NAA15: variants seen among roughly 807,000 people sequenced by gnomAD.
NAA15 encodes N-alpha-acetyltransferase 15, NatA auxiliary subunit.
NAA15 carries 34 observed loss-of-function variants against 114.0 expected under a neutral mutation model. The ratio of observed to expected loss-of-function variants is 0.30; its 90% CI spans 0.23 to 0.40. The LOEUF (loss-of-function observed/expected upper bound fraction) is 0.40. Among genes scored for constraint, NAA15 ranks in the 10% least tolerant of loss-of-function variants. The pLI is 1.00. For synonymous variants in NAA15, 340 were observed against 338.0 expected (o/e 1.01, Z -0.06); for missense variants, 658 against 1,004.5 (o/e 0.66, Z 4.66).
intron 14 of NAA15, among the ~76,000 whole-genome samples, chr4:139,363,545 C>G (rs1370035621): frequency 6.6e-6 from 1 of 152,116 alleles, no homozygotes; most frequent in African/African-American, 2.4e-5. Context: ...TAGTATTGCT[C>G]CATGTCTGCA....
chr4:139,342,758 A>C, intron 4 of NAA15, 68 bp from the exon 5 acceptor site: 1 of 1,485,680 alleles, frequency 6.7e-7, no homozygotes, highest in Non-Finnish European at 9.2e-7. Context: ...TAATATGGAG[A>C]TCTTTTAAAG....
At position 139,375,441 on chromosome 4, in the gene NAA15, T is replaced by C. The variant is rs530616203; in HGVS notation, c.1948-924T>C. Among the ~76,000 whole-genome samples the C allele has an allele frequency of 3.9e-5, 6 of 152,138 alleles. No individual in the cohort carries two copies. In the East Asian group the frequency reaches 1.2e-3, roughly 29 times the overall value. On this transcript the variant is annotated intron_variant, in intron 15 of 19. Transcript: ENST00000296543. ...GTGAATCCCATAGAATTCACTTCAC[T>C]GCTTTTCTTTTCTTTTCTTTTCTTT...
intron 6 of NAA15, among the ~76,000 whole-genome samples, chr4:139,347,264 A>T (rs60805457): frequency 0.055 from 8,318 of 152,142 alleles, 256 homozygotes; most frequent in East Asian, 0.1. Flanking sequence ...TTACTGAGAC[A>T]AGCAAAATGT....
chr4:139,331,932 C>T (rs1004679490), intron 1 of NAA15, among the ~76,000 whole-genome samples: 1 of 151,990 alleles, frequency 6.6e-6, no homozygotes, highest in African/African-American at 2.4e-5. Context: ...TTTCTGTAGA[C>T]CTATTGCTCG....
At chr4:139,350,916 A>G (rs546546064) in intron 7 of NAA15, among the ~76,000 whole-genome samples, 1 of 152,328 alleles carries the variant, frequency 6.6e-6, no homozygotes, top group African/African-American at 2.4e-5. Flanking sequence ...ATATGGAAAC[A>G]TGATAACCAA....
intron 1 of NAA15, among the ~76,000 whole-genome samples, chr4:139,333,063 C>T (rs1466703533): frequency 6.6e-6 from 1 of 151,988 alleles, no homozygotes; most frequent in Non-Finnish European, 1.5e-5. Context: ...TTTATAATAC[C>T]TAATACAATG....
chr4:139,370,039 A>G (rs1428851361), intron 14 of NAA15, among the ~76,000 whole-genome samples, 172 bp from the exon 15 acceptor site: 3 of 152,118 alleles, frequency 2.0e-5, no homozygotes, highest in Non-Finnish European at 4.4e-5. Context: ...TCCTGACCTC[A>G]GGTCATCTGC....
chr4:139,311,230 A>G (rs1385409910), intron 1 of NAA15, among the ~76,000 whole-genome samples: 2 of 151,962 alleles, frequency 1.3e-5, no homozygotes, highest in Non-Finnish European at 2.9e-5. Flanking sequence ...CACGTTTTCC[A>G]CAATTAAAAT....
chr4:139,309,085 C>T (rs1045814652), intron 1 of NAA15, among the ~76,000 whole-genome samples: 19 of 151,794 alleles, frequency 1.3e-4, no homozygotes, highest in African/African-American at 3.9e-4. Flanking sequence ...CAGTGGCTCA[C>T]GCCTGTAATC....
chr4:139,324,590 A>G (rs897639351), intron 1 of NAA15, among the ~76,000 whole-genome samples: 2 of 152,210 alleles, frequency 1.3e-5, no homozygotes, highest in African/African-American at 2.4e-5. Context: ...CATATGTAGT[A>G]TTTTGCATTT....
chr4:139,330,979 A>C (rs1036630558), intron 1 of NAA15, among the ~76,000 whole-genome samples: 4 of 152,144 alleles, frequency 2.6e-5, no homozygotes, highest in African/African-American at 7.2e-5. Context: ...CACTTGCATT[A>C]ACTTCTTTCC....
rs1390915707 is a variant in NAA15 at position 139,371,505 on chromosome 4, A to G, written c.1947+1101A>G. On this transcript the variant is annotated intron_variant, in intron 15 of 19. Transcript: ENST00000296543. ...AAAAAAAAAGAAAAGTAGCACACAC[A>G]CACACACACACACACACACACACAC... Among the ~76,000 whole-genome samples, 862 of 126,042 alleles carry G rather than the reference A, an allele frequency of 6.8e-3. 11 individuals are homozygous for G. The highest frequency in any genetic ancestry group is 0.038 in the African/African-American group (814 of 21,622). The allele number at this position is 126,042 out of a possible 152,430, so 82.7% of individuals were successfully genotyped here.
chr4:139,324,912 G>A (rs901482215), intron 1 of NAA15, among the ~76,000 whole-genome samples: 2 of 152,184 alleles, frequency 1.3e-5, no homozygotes, highest in Non-Finnish European at 2.9e-5. Flanking sequence ...ATTTGGAGGG[G>A]CCTGCCATTC....
intron 1 of NAA15, among the ~76,000 whole-genome samples, chr4:139,325,515 CTT>C (rs1746767424): frequency 6.6e-6 from 1 of 152,150 alleles, no homozygotes; most frequent in South Asian, 2.1e-4. Context: ...CGAGGAGTCT[CTT>C]TGAAAAACAT....
At chr4:139,375,500 C>G (rs1429755775) in intron 15 of NAA15, among the ~76,000 whole-genome samples, 1 of 151,642 alleles carries the variant, frequency 6.6e-6, no homozygotes, top group East Asian at 1.9e-4. Flanking sequence ...AATTTTCTTG[C>G]CCAGAAGCTG....
At chr4:139,372,051 G>A (rs915968565) in intron 15 of NAA15, among the ~76,000 whole-genome samples, 6 of 152,116 alleles carry the variant, frequency 3.9e-5, no homozygotes, top group Non-Finnish European at 7.3e-5. Context: ...AAGTAGCTGG[G>A]ACTACAGGCG....
rs747017034 is a variant in NAA15, at chr4:139,386,163, C to T, written c.2333C>T (p.Ser778Phe). 6.2e-7 allele frequency: 1 copy of T among 1,609,016 alleles called. No homozygotes were observed. Among genetic ancestry groups the T allele is most frequent in the African/African-American group, 1.3e-5 (1 of 74,818 alleles). ...AAAATGGTATATTACTTAGATCCTT[C>T]TAGTCAGAAGCGAGCTATAGAGTTG... is the stretch of plus-strand genomic sequence containing the variant. Reference protein sequence around the residue: ...AAKMVYYLDPSSQKRAIELAT... With the variant: ...AAKMVYYLDPFSQKRAIELAT... Residue 778 changes from serine (S) to phenylalanine (F), a missense_variant, in exon 19 of 20, where the codon TCT (serine) becomes TTT (phenylalanine). Ser to Phe is a radical substitution (Grantham distance 155, BLOSUM62 -2). This residue lies in a region of NAA15 where 275 missense variants were observed against 371.1 expected (regional missense o/e 0.74). Transcript: ENST00000296543.
chr4:139,337,754 A>G (rs147318976), intron 3 of NAA15, among the ~76,000 whole-genome samples: 5 of 152,360 alleles, frequency 3.3e-5, no homozygotes, highest in African/African-American at 1.2e-4. Flanking sequence ...GGCTTAGTAC[A>G]GACAAAGAAA....
chr4:139,337,757 CAAAG>C (rs1369819899), intron 3 of NAA15, among the ~76,000 whole-genome samples: 3 of 152,104 alleles, frequency 2.0e-5, no homozygotes, highest in Non-Finnish European at 4.4e-5. Flanking sequence ...TTAGTACAGA[CAAAG>C]AAAAGATAAC....
Sources: allele counts gnomAD v4.1 joint callset (sites outside exome capture counted in the v4.1 genomes callset), GRCh38; gene constraint gnomAD v4.1.1; regional missense constraint gnomAD v4.1.1; transcripts MANE v1.5; gene names NCBI Gene and HGNC (gene_info 2026-07-23, HGNC 2026-07-21).